Variants in DET1 observed in about 807,000 individuals in gnomAD.
DET1 encodes DET1 partner of COP1 E3 ubiquitin ligase.
DET1 carries 22 observed loss-of-function variants against 43.7 expected under a neutral mutation model. That is an observed-to-expected ratio of 0.50 (90% CI 0.36 to 0.72). The LOEUF is 0.72. DET1 is among the 30% of genes least tolerant of loss of function. The pLI is 0.00. For missense variants in DET1, 713 were observed against 713.3 expected (o/e 1.00, Z 0.00); for synonymous variants, 315 against 266.2 (o/e 1.18, Z -1.79).
At chr15:88,514,008 C>G (rs2056274499) in intron 4 of DET1, among the ~76,000 whole-genome samples, 2 of 151,108 alleles carry the variant, frequency 1.3e-5, no homozygotes, top group Non-Finnish European at 2.9e-5. Flanking sequence ...ACCGTGTTAG[C>G]CAGGATGGTC....
intron 4 of DET1, among the ~76,000 whole-genome samples, chr15:88,515,910 T>C (rs2056332755): frequency 6.6e-6 from 1 of 152,164 alleles, no homozygotes; most frequent in Non-Finnish European, 1.5e-5. Context: ...ACTTTTTGTA[T>C]ACGTTTAAAA....
At chr15:88,507,797 T>C (rs1036510137), downstream of DET1, among the ~76,000 whole-genome samples, 2 of 152,214 alleles carry the variant, frequency 1.3e-5, no homozygotes, top group African/African-American at 4.8e-5. Context: ...AGAACTTGGC[T>C]CATAGATGAC....
At chr15:88,542,219 T>C (rs2057127326) in intron 1 of DET1, among the ~76,000 whole-genome samples, 1 of 152,106 alleles carries the variant, frequency 6.6e-6, no homozygotes, top group Non-Finnish European at 1.5e-5. Flanking sequence ...AAACACTTCC[T>C]TGCATTAACC....
intron 1 of DET1, among the ~76,000 whole-genome samples, chr15:88,533,852 TAAA>T (rs368408722): frequency 7.7e-5 from 3 of 39,188 alleles, no homozygotes; most frequent in African/African-American, 2.2e-4. Flanking sequence ...ACCCAATCTC[TAAA>T]AAAAAAAAAA....
intron 3 of DET1, among the ~76,000 whole-genome samples, chr15:88,518,213 A>AT (rs2056399008): frequency 6.6e-6 from 1 of 150,958 alleles, no homozygotes; most frequent in African/African-American, 2.4e-5. Context: ...AAGTGCTGGG[A>AT]TTACAGGCAT....
chr15:88,514,794 C>T (rs574806293), intron 4 of DET1, among the ~76,000 whole-genome samples: 1 of 152,212 alleles, frequency 6.6e-6, no homozygotes, highest in African/African-American at 2.4e-5. Context: ...TCTTCAAATG[C>T]TGTTAATATC....
Position 88,504,347 on chromosome 15 carries a change from T to C in DET1, c.*2066-360A>G, listed in dbSNP as rs2056117250. The C allele has an allele frequency of 6.6e-6, 1 of 152,148 alleles. No individual in the cohort carries two copies. The highest frequency in any genetic ancestry group is 1.5e-5 in the Non-Finnish European group (1 of 68,026). 9.4% of individuals were successfully genotyped at this position (152,148 alleles called of 1,614,324 possible). ...CACTTCTACTGTGTTTTATTGGTCA[T>C]GCCAATCAACCATGATACGATGTGG... On this transcript the variant is annotated intron_variant and NMD_transcript_variant, in intron 7 of 8. Transcript: ENST00000557842. This position sits in a 1 kb window ranked among gnomAD's most constrained non-coding sequence, Gnocchi z 4.7.
chr15:88,531,158 T>G lies in DET1; in HGVS notation c.548A>C (p.Asn183Thr), dbSNP rs1598337808. 1.2e-6 allele frequency: 2 copies of G among 1,613,650 alleles called. No homozygotes were observed. The highest frequency in any genetic ancestry group is 1.7e-6 in the Non-Finnish European group (2 of 1,179,820). The stretch of plus-strand genomic sequence containing the variant: ...ATAGTCTTCTAGAGGGGACCGTGGG[T>G]TGGGGGTCACTGATTCACTGTTCCG... ...VYRNSESVTP[N>T]PRSPLEDYSL... Residue 183 changes from asparagine (N) to threonine (T), a missense_variant, in exon 2 of 5, where the codon AAC (asparagine) becomes ACC (threonine). Physicochemically the swap from Asn to Thr is moderately conservative, Grantham distance 65. Transcript: ENST00000268148. The surrounding 1 kb of genome is among the most constrained non-coding windows in gnomAD (Gnocchi z 6.2).
chr15:88,527,496 C>A, intron 3 of DET1, 103 bp downstream of exon 3: 1 of 1,074,972 alleles, frequency 9.3e-7, no homozygotes, highest in South Asian at 2.0e-5. Context: ...ATAACCAAAG[C>A]TATGTGGACA....
downstream of DET1, among the ~76,000 whole-genome samples, chr15:88,510,935 C>T (rs534493832): frequency 6.6e-6 from 1 of 151,656 alleles, no homozygotes; most frequent in Admixed American, 6.6e-5. Flanking sequence ...CACCACGTCC[C>T]GCTAATTTTT....
At chr15:88,511,489 CTCTT>C (rs1428895894), downstream of DET1, 7 of 985,342 alleles carry the variant, frequency 7.1e-6, no homozygotes, top group African/African-American at 1.2e-4. Flanking sequence ...ACATCTTCAA[CTCTT>C]GGTCATACAA....
chr15:88,540,789 C>T (rs1264960511), intron 1 of DET1, among the ~76,000 whole-genome samples: 2 of 140,130 alleles, frequency 1.4e-5, no homozygotes, highest in Non-Finnish European at 3.0e-5. Context: ...GGGCAGCATG[C>T]TCCTTAAGAG....
At chr15:88,534,991 G>T (rs2056910979) in intron 1 of DET1, among the ~76,000 whole-genome samples, 1 of 152,192 alleles carries the variant, frequency 6.6e-6, no homozygotes, top group South Asian at 2.1e-4. Context: ...TGCTACAAAA[G>T]TTGGAATTCT....
chr15:88,511,434 T>C (rs895004270), downstream of DET1: 46 of 985,504 alleles, frequency 4.7e-5, no homozygotes, highest in African/African-American at 3.8e-4. Flanking sequence ...TTATTTACCA[T>C]TTTCATACTT....
intron 1 of DET1, among the ~76,000 whole-genome samples, chr15:88,539,815 T>C (rs1173018374): frequency 1.3e-5 from 2 of 152,360 alleles, no homozygotes; most frequent in Non-Finnish European, 2.9e-5. Context: ...TAGATTGCCA[T>C]ACCCCACATC....
downstream of DET1, among the ~76,000 whole-genome samples, chr15:88,510,106 TG>T (rs1212666295): frequency 1.3e-5 from 2 of 152,154 alleles, no homozygotes; most frequent in African/African-American, 4.8e-5. Context: ...GAGGCTTCAG[TG>T]GGGTCTAAGA....
rs989849126 is a variant in DET1 at position 88,513,951 on chromosome 15, T to C, written c.1464-811A>G. Among the ~76,000 whole-genome samples, 76 of 149,940 alleles carry C rather than the reference T, an allele frequency of 5.1e-4. 2 individuals carry two copies. The highest frequency in any genetic ancestry group is 1.4e-3 in the East Asian group (7 of 5,156). On this transcript the variant is annotated intron_variant, in intron 4 of 4. Coordinates refer to ENST00000268148, the MANE Select transcript of DET1 (RefSeq NM_001144074.3). ...AGTAGCTGGGACTACAGGCGCCCGC[T>C]ACCACGCCCGGCTAATTTTTTGTAT...
At chr15:88,530,267 A>C (rs956886742) in intron 2 of DET1, among the ~76,000 whole-genome samples, 1 of 152,222 alleles carries the variant, frequency 6.6e-6, no homozygotes, top group Non-Finnish European at 1.5e-5. Flanking sequence ...TAAAACAGCC[A>C]GACCAATAAT....
intron 3 of DET1, among the ~76,000 whole-genome samples, chr15:88,518,681 A>G (rs2056412304): frequency 6.6e-6 from 1 of 152,350 alleles, no homozygotes; most frequent in East Asian, 1.9e-4. Flanking sequence ...ATATGGTTCA[A>G]CAATCAAGGG....
Sources: gnomAD v4.1 joint callset for allele counts (sites outside exome capture counted in the v4.1 genomes callset) on GRCh38, gnomAD v4.1.1 for gene constraint, Gnocchi (gnomAD v3.1) non-coding constraint, MANE v1.5 for transcripts, NCBI Gene and HGNC (gene_info 2026-07-23, HGNC 2026-07-21) for gene names.